CAMK1D: variants seen among roughly 807,000 people sequenced by gnomAD.
The protein encoded by CAMK1D is calcium/calmodulin-dependent protein kinase type 1D.
In CAMK1D, 9 loss-of-function variants were observed where a neutral mutation model predicts 47.7. The ratio of observed to expected loss-of-function variants is 0.19; its 90% confidence interval spans 0.11 to 0.33. The LOEUF is 0.33. CAMK1D is among the 10% of genes least tolerant of loss of function. CAMK1D has a pLI of 1.00. For missense variants in CAMK1D, 291 were observed against 488.7 expected (o/e 0.60, Z 3.81); for synonymous variants, 184 against 184.9 (o/e 0.99, Z 0.04).
At chr10:12,532,034 G>A (rs1835820783) in intron 1 of CAMK1D, among the ~76,000 whole-genome samples, 1 of 152,202 alleles carries the variant, frequency 6.6e-6, no homozygotes, top group Non-Finnish European at 1.5e-5. Flanking sequence ...CTGCACAGGG[G>A]AGAGCTTTGG....
intron 1 of CAMK1D, among the ~76,000 whole-genome samples, chr10:12,525,198 TG>T (rs1274918210): frequency 6.6e-6 from 1 of 152,222 alleles, no homozygotes; most frequent in Non-Finnish European, 1.5e-5. Context: ...GATTGTTGTG[TG>T]GGTATTCTTT....
intron 5 of CAMK1D, among the ~76,000 whole-genome samples, chr10:12,776,968 G>A (rs1342574222): frequency 6.6e-6 from 1 of 152,180 alleles, no homozygotes; most frequent in East Asian, 1.9e-4. Context: ...CTCTATGCAT[G>A]TCCACAAATG....
At chr10:12,730,193 G>C (rs1379733766) in intron 3 of CAMK1D, among the ~76,000 whole-genome samples, 2 of 152,298 alleles carry the variant, frequency 1.3e-5, no homozygotes, top group Non-Finnish European at 2.9e-5. Context: ...ATGGTTGCCA[G>C]GGAGATAGGG....
At position 12,547,682 on chromosome 10, in the gene CAMK1D, T is replaced by TCTCTCACACACACACACACA. The variant is rs10643491; in HGVS notation, c.93-5542_93-5541insTCTCACACACACACACACAC. Among the ~76,000 whole-genome samples the TCTCTCACACACACACACACA allele has an allele frequency of 5.2e-3, 603 of 116,552 alleles. 2 individuals are homozygous for TCTCTCACACACACACACACA. The highest frequency in any genetic ancestry group is 7.2e-3 in the Non-Finnish European group (437 of 60,326). 76.5% of individuals were successfully genotyped at this position (116,552 alleles called of 152,430 possible). A position where few individuals can be genotyped will look rare whatever the true frequency, so the allele number is the denominator to read the frequency against. On this transcript the variant is annotated intron_variant, in intron 1 of 10. Coordinates refer to ENST00000619168, the MANE Select transcript of CAMK1D (RefSeq NM_153498.4). Reference sequence around the variant, plus strand: ...CACTCTCTCTCTCTCTTTCTCTCTCTCACACACACACACACACACCACTGT... The same window carrying TCTCTCACACACACACACACA: ...CACTCTCTCTCTCTCTTTCTCTCTCTCTCTCACACACACACACACACACACACACACACACACACCACTGT...
At chr10:12,760,366 G>C (rs952774183) in intron 3 of CAMK1D, among the ~76,000 whole-genome samples, 3 of 152,188 alleles carry the variant, frequency 2.0e-5, no homozygotes, top group Non-Finnish European at 4.4e-5. Flanking sequence ...AAGTGGCTTT[G>C]AGGTTCTGAT....
At chr10:12,509,400 T>C (rs919093557) in intron 1 of CAMK1D, among the ~76,000 whole-genome samples, 3 of 152,182 alleles carry the variant, frequency 2.0e-5, no homozygotes, top group Non-Finnish European at 4.4e-5. Flanking sequence ...TGGACACAGG[T>C]GGAGTGATGC....
chr10:12,461,131 C>G (rs1048287109), intron 1 of CAMK1D, among the ~76,000 whole-genome samples: 25 of 152,192 alleles, frequency 1.6e-4, no homozygotes, highest in African/African-American at 5.8e-4. Context: ...ACAGGATCGT[C>G]CTCATCCACC....
intron 6 of CAMK1D, among the ~76,000 whole-genome samples, chr10:12,799,558 G>A (rs553656140): frequency 2.3e-4 from 35 of 152,286 alleles, no homozygotes; most frequent in African/African-American, 6.5e-4. Flanking sequence ...ATCGGTTAGC[G>A]CTTGGTGCTA....
intron 1 of CAMK1D, among the ~76,000 whole-genome samples, chr10:12,449,487 C>A (rs943859038): frequency 1.3e-5 from 2 of 149,728 alleles, no homozygotes; most frequent in Non-Finnish European, 3.0e-5. Flanking sequence ...ATCTCAAGTG[C>A]CATCATCACA....
At chr10:12,460,296 T>C (rs1833385524) in intron 1 of CAMK1D, among the ~76,000 whole-genome samples, 1 of 151,860 alleles carries the variant, frequency 6.6e-6, no homozygotes, top group African/African-American at 2.4e-5. Flanking sequence ...GGTTCCACTT[T>C]CTTGCCCAGT....
chr10:12,740,295 C>A (rs991465790), intron 3 of CAMK1D, among the ~76,000 whole-genome samples: 2 of 152,122 alleles, frequency 1.3e-5, no homozygotes, highest in African/African-American at 4.8e-5. Context: ...GGGAGAGAGA[C>A]AAGATCAGAA....
At chr10:12,595,567 A>T (rs1838124134) in intron 2 of CAMK1D, among the ~76,000 whole-genome samples, 1 of 151,804 alleles carries the variant, frequency 6.6e-6, no homozygotes, top group Non-Finnish European at 1.5e-5. Context: ...TCTTGATTGT[A>T]TCTTTGCATT....
intron 1 of CAMK1D, among the ~76,000 whole-genome samples, chr10:12,530,568 C>T (rs1201730755): frequency 3.3e-5 from 5 of 152,128 alleles, no homozygotes; most frequent in Admixed American, 6.6e-5. Flanking sequence ...TGGAGAAGTA[C>T]GAAAATCCTG....
At chr10:12,808,063 A>G (rs2131059561) in intron 6 of CAMK1D, among the ~76,000 whole-genome samples, 1 of 152,198 alleles carries the variant, frequency 6.6e-6, no homozygotes, top group African/African-American at 2.4e-5. Flanking sequence ...GCTGGAATAA[A>G]CTGCTGTTTT....
chr10:12,465,343 A>G (rs1473512504), intron 1 of CAMK1D, among the ~76,000 whole-genome samples: 1 of 152,042 alleles, frequency 6.6e-6, no homozygotes, highest in Non-Finnish European at 1.5e-5. Flanking sequence ...TATTGAGCCA[A>G]TCTTTTATTT....
intron 1 of CAMK1D, among the ~76,000 whole-genome samples, chr10:12,414,298 C>G (rs763562498): frequency 1.3e-5 from 2 of 152,136 alleles, no homozygotes; most frequent in Admixed American, 1.3e-4. Context: ...TTCTGTGTTG[C>G]AAAAACCTGG....
chr10:12,751,050 CAATAAGATAAGATAA>C (rs1294192438), intron 3 of CAMK1D, among the ~76,000 whole-genome samples: 3 of 132,542 alleles, frequency 2.3e-5, no homozygotes, highest in East Asian at 2.3e-4. Flanking sequence ...CCGTCTCCCC[CAATAAGATAAGATAA>C]GATAAGATAA....
At chr10:12,442,411 G>A (rs536367899) in intron 1 of CAMK1D, among the ~76,000 whole-genome samples, 3 of 152,156 alleles carry the variant, frequency 2.0e-5, no homozygotes, top group South Asian at 4.2e-4. Context: ...AACCCGGGAG[G>A]CAGAGCTTGC....
intron 1 of CAMK1D, among the ~76,000 whole-genome samples, chr10:12,458,483 C>A (rs1833325502): frequency 6.6e-6 from 1 of 152,176 alleles, no homozygotes; most frequent in Non-Finnish European, 1.5e-5. Context: ...GTAGCACGAT[C>A]ATAGCTCACC....
Sources: allele counts gnomAD v4.1 joint callset (sites outside exome capture counted in the v4.1 genomes callset), GRCh38; gene constraint gnomAD v4.1.1; transcripts MANE v1.5; gene names NCBI Gene and HGNC (gene_info 2026-07-23, HGNC 2026-07-21).